The following TTC19 variants were observed in gnomAD, a reference collection of about 807,000 sequenced individuals.
TTC19 encodes tetratricopeptide repeat domain 19, also known as tetratricopeptide repeat protein 19, mitochondrial.
Under a neutral mutation model 49.5 loss-of-function variants are expected in TTC19, and 38 were observed. That is an observed-to-expected ratio of 0.77 (90% CI 0.59 to 1.01). The LOEUF (loss-of-function observed/expected upper bound fraction) is 1.01. Among genes scored for constraint, TTC19 ranks in the 50% least tolerant of loss-of-function variants. The pLI is 0.00. For missense variants in TTC19, 475 were observed against 477.7 expected, an observed-to-expected ratio of 0.99 and a Z score of 0.05; for synonymous variants, 204 against 185.2, an observed-to-expected ratio of 1.10 and a Z score of -0.83.
chr17:16,024,367 C>T (rs1201364420), intron 7 of TTC19: 1 of 151,008 alleles, frequency 6.6e-6, no homozygotes, highest in African/African-American at 2.4e-5. Flanking sequence ...GTGATCTCGG[C>T]TCACTGCAAG....
At chr17:16,040,819 T>C (rs2057420485) in intron 2 of TTC19, 1 of 305,646 alleles carries the variant, frequency 3.3e-6, no homozygotes. Flanking sequence ...TGCTTGAGCA[T>C]AGGAATTTGA....
At chr17:16,002,946 C>T (rs1970786754) in intron 4 of TTC19, 115 bp downstream of exon 4, 1 of 975,220 alleles carries the variant, frequency 1.0e-6, no homozygotes, top group Non-Finnish European at 1.6e-6. Context: ...AATATAGTGA[C>T]TCAAACAAGA....
chr17:16,016,092 C>G (rs1971205346), intron 7 of TTC19, among the ~76,000 whole-genome samples: 1 of 151,956 alleles, frequency 6.6e-6, no homozygotes, highest in African/African-American at 2.4e-5. Context: ...TCCCTTTTTT[C>G]TGGTCCCTTA....
downstream of TTC19, among the ~76,000 whole-genome samples, chr17:16,034,374 A>C (rs560836346): frequency 5.3e-5 from 8 of 152,270 alleles, no homozygotes; most frequent in Admixed American, 2.6e-4. Flanking sequence ...AGGAGGAATG[A>C]GTTCAGGAGT....
chr17:16,041,506 T>C (rs779368810), intron 2 of TTC19, among the ~76,000 whole-genome samples: 17 of 146,210 alleles, frequency 1.2e-4, no homozygotes, highest in East Asian at 4.1e-4. Flanking sequence ...CTCTGCCTCC[T>C]GGGTTCAAGC....
intron 9 of TTC19, 99 bp downstream of exon 9, chr17:16,026,801 G>A (rs1363470567): frequency 5.0e-6 from 6 of 1,209,560 alleles, no homozygotes; most frequent in Middle Eastern, 2.3e-4. Flanking sequence ...AAGGGCCAAC[G>A]AATAAACATG....
At chr17:16,041,859 C>A (rs917961642) in intron 2 of TTC19, among the ~76,000 whole-genome samples, 3 of 152,108 alleles carry the variant, frequency 2.0e-5, no homozygotes, top group African/African-American at 7.2e-5. Context: ...GCCTCAGCCC[C>A]CCGAGTGGCT....
At chr17:16,033,336 C>CAAA (rs59285422), downstream of TTC19, among the ~76,000 whole-genome samples, 20 of 57,444 alleles carry the variant, frequency 3.5e-4, no homozygotes, top group African/African-American at 8.7e-4. Flanking sequence ...ACTCCGTCTC[C>CAAA]AAAAAAAAAA....
At chr17:16,039,487 C>A (rs984411549) in intron 2 of TTC19, 5 of 1,613,962 alleles carry the variant, frequency 3.1e-6, no homozygotes, top group Non-Finnish European at 4.2e-6. Context: ...CTGGTCACAA[C>A]TGAGGTGTTG....
At chr17:16,013,341 T>C (rs1389480185) in intron 7 of TTC19, among the ~76,000 whole-genome samples, 1 of 152,264 alleles carries the variant, frequency 6.6e-6, no homozygotes, top group Non-Finnish European at 1.5e-5. Flanking sequence ...TAATAAATAC[T>C]GAGTAGCTGT....
chr17:16,033,789 C>T (rs940722241), downstream of TTC19, among the ~76,000 whole-genome samples: 3 of 152,036 alleles, frequency 2.0e-5, no homozygotes, highest in Non-Finnish European at 4.4e-5. Context: ...ATGTAGTGAA[C>T]GTACAGACAG....
intron 2 of TTC19, among the ~76,000 whole-genome samples, chr17:16,037,757 G>A (rs1348199921): frequency 6.6e-6 from 1 of 152,160 alleles, no homozygotes; most frequent in Non-Finnish European, 1.5e-5. Flanking sequence ...AGCAAGTTTT[G>A]GTAGCCCTTT....
At position 16,027,707 on chromosome 17, in the gene TTC19, T is replaced by G. The variant is rs1270321607; in HGVS notation, c.*185T>G. On this transcript the variant is annotated 3_prime_UTR_variant, in exon 10 of 10. Coordinates refer to ENST00000261647, the MANE Select transcript of TTC19 (RefSeq NM_017775.4). ...TTTGTATTTTAAAGGAAAAATGACT[T>G]TCATTCCCAACTGATTATGACCTTT... 2.8e-6 allele frequency: 2 copies of G among 710,230 alleles called. No homozygotes were observed. The highest frequency in any genetic ancestry group is 5.7e-5 in the East Asian group (2 of 35,068). The allele number at this position is 710,230 out of a possible 1,614,324, so 44.0% of individuals were successfully genotyped here. A position where few individuals can be genotyped will look rare whatever the true frequency, so the allele number is the denominator to read the frequency against.
Position 16,002,778 on chromosome 17 carries a change from G to T in TTC19, c.424-15G>T. On this transcript the variant is annotated splice_polypyrimidine_tract_variant and intron_variant, in intron 3 of 9. Coordinates refer to ENST00000261647, the MANE Select transcript of TTC19 (RefSeq NM_017775.4). The stretch of plus-strand genomic sequence containing the variant: ...AGTATTCTAAACTGAAAAACAATTT[G>T]TAATTTGCTTTCAGATGGCCAACTT... The T allele has an allele frequency of 6.2e-7, 1 of 1,613,390 alleles. No homozygotes were observed. The highest frequency in any genetic ancestry group is 8.5e-7 in the Non-Finnish European group (1 of 1,179,468).
chr17:16,040,323 T>A (rs2057326206), intron 2 of TTC19: 1 of 844,014 alleles, frequency 1.2e-6, no homozygotes, highest in South Asian at 1.4e-5. Flanking sequence ...TATTTATTTA[T>A]TTTTCCATAT....
chr17:16,001,869 A>C, intron 2 of TTC19, 46 bp from the exon 3 acceptor site: 1 of 1,336,584 alleles, frequency 7.5e-7, no homozygotes, highest in East Asian at 2.3e-5. Context: ...TAGCATATGC[A>C]TCTACTATAT....
At chr17:16,013,669 GTA>G (rs1311210969) in intron 7 of TTC19, among the ~76,000 whole-genome samples, 1 of 152,142 alleles carries the variant, frequency 6.6e-6, no homozygotes, top group Non-Finnish European at 1.5e-5. Flanking sequence ...TTTTATAACA[GTA>G]TACATTCTTT....
chr17:16,027,029 G>A, intron 9 of TTC19: 1 of 511,858 alleles, frequency 2.0e-6, no homozygotes, highest in Non-Finnish European at 3.5e-6. Context: ...TGCTGGTGAA[G>A]CTTTATGACA....
chr17:16,002,670 G>A (rs746850732), intron 3 of TTC19, 123 bp from the exon 4 acceptor site: 2 of 869,734 alleles, frequency 2.3e-6, no homozygotes, highest in Non-Finnish European at 3.9e-6. Flanking sequence ...AATTGGTGAT[G>A]TGCTTTTCAT....
Sources: allele counts gnomAD v4.1 joint callset (sites outside exome capture counted in the v4.1 genomes callset), GRCh38; gene constraint gnomAD v4.1.1; transcripts MANE v1.5; gene names NCBI Gene and HGNC (gene_info 2026-07-23, HGNC 2026-07-21).